Variants in STARD10 observed in about 807,000 individuals in gnomAD.
The protein encoded by STARD10 is START domain-containing protein 10.
STARD10 carries 24 observed loss-of-function variants against 36.0 expected under a neutral mutation model. That is an observed-to-expected ratio of 0.67 (90% CI 0.48 to 0.94). STARD10 has a LOEUF of 0.94. Among genes scored for constraint, STARD10 ranks in the 40% least tolerant of loss-of-function variants. The pLI is 0.00. For missense variants in STARD10, 335 were observed against 396.6 expected, an observed-to-expected ratio of 0.84 and a Z score of 1.32; for synonymous variants, 156 against 161.9, an observed-to-expected ratio of 0.96 and a Z score of 0.28.
chr11:72,784,559 T>G (rs1768404017), intron 1 of STARD10, among the ~76,000 whole-genome samples: 2 of 152,132 alleles, frequency 1.3e-5, no homozygotes, highest in Non-Finnish European at 2.9e-5. Context: ...CAAAAAGTGT[T>G]AAGGTAACAT....
chr11:72,776,615 C>T (rs538355490), intron 2 of STARD10, among the ~76,000 whole-genome samples: 110 of 152,226 alleles, frequency 7.2e-4, no homozygotes, highest in African/African-American at 2.3e-3. Flanking sequence ...CAGCCATGTC[C>T]GGCTGTTTGG....
At position 72,759,381 on chromosome 11, in the gene STARD10, A is replaced by G; in HGVS notation, c.208T>C (p.Cys70Arg). 6.2e-7 allele frequency: 1 copy of G among 1,613,700 alleles called. No individual in the cohort carries two copies. Among genetic ancestry groups the G allele is most frequent in the East Asian group, 2.2e-5 (1 of 44,840 alleles). The part of the protein sequence containing the change: ...EMDRTLHKIK[C>R]RMECCDVPAE... ...GGCACATCACAGCACTCCATCCGGC[A>G]CTGCAGACAAGATATATGGGTTGTC... The change falls in exon 3 of 7, where the codon TGC (cysteine) becomes CGC (arginine). Residue 70 changes from cysteine (C) to arginine (R), a missense_variant and splice_region_variant. Coordinates refer to ENST00000334805, the MANE Select transcript of STARD10 (RefSeq NM_006645.3).
chr11:72,759,789 T>C (rs564011564), intron 2 of STARD10, among the ~76,000 whole-genome samples: 4 of 152,240 alleles, frequency 2.6e-5, no homozygotes, highest in Non-Finnish European at 4.4e-5. Flanking sequence ...AAAGCATAAA[T>C]GAAAGTCGAA....
At chr11:72,780,395 T>C in intron 2 of STARD10, 1 of 449,204 alleles carries the variant, frequency 2.2e-6, no homozygotes, top group South Asian at 1.6e-5. Flanking sequence ...AAGGCAGGGG[T>C]ATTGGAGCCC....
At chr11:72,765,134 C>A (rs1170183571) in intron 2 of STARD10, among the ~76,000 whole-genome samples, 4 of 152,112 alleles carry the variant, frequency 2.6e-5, no homozygotes, top group African/African-American at 9.7e-5. Context: ...GGGGTGGTGG[C>A]ACATGCCTGT....
intron 2 of STARD10, among the ~76,000 whole-genome samples, chr11:72,761,775 T>C (rs1427061125): frequency 1.3e-5 from 2 of 150,866 alleles, no homozygotes; most frequent in Admixed American, 1.3e-4. Flanking sequence ...CAGCATAACC[T>C]CAATTGGGGG....
At chr11:72,780,020 G>A (rs1339112634) in intron 2 of STARD10, 1 of 300,058 alleles carries the variant, frequency 3.3e-6, no homozygotes, top group East Asian at 8.9e-5. Flanking sequence ...GATAGCAGAA[G>A]GGAGAAGGCA....
intron 3 of STARD10, 150 bp downstream of exon 3, chr11:72,759,084 A>G: frequency 2.3e-6 from 2 of 856,912 alleles, no homozygotes; most frequent in South Asian, 3.3e-5. Context: ...CTAGGAGTGG[A>G]CAGGGAGGGC....
intron 2 of STARD10, among the ~76,000 whole-genome samples, chr11:72,773,654 C>T (rs1858893443): frequency 1.3e-5 from 2 of 152,182 alleles, no homozygotes; most frequent in African/African-American, 4.8e-5. Context: ...CAGCACCTGC[C>T]CCTGAGGAGC....
At chr11:72,791,106 C>A (rs112899966) in intron 1 of STARD10, among the ~76,000 whole-genome samples, 2 of 152,220 alleles carry the variant, frequency 1.3e-5, no homozygotes, top group Non-Finnish European at 2.9e-5. Context: ...GGTCTTAACT[C>A]ATTTAATTTA....
At chr11:72,761,119 C>T (rs545873240) in intron 2 of STARD10, among the ~76,000 whole-genome samples, 32 of 152,290 alleles carry the variant, frequency 2.1e-4, no homozygotes, top group African/African-American at 7.5e-4. Flanking sequence ...AAACCCATCA[C>T]GCCTTGGATA....
At position 72,754,913 on chromosome 11, in the gene STARD10, TCGTCGTCGCTGC is replaced by T; in HGVS notation, c.848_859del (p.Gly283_Asp286del). 6.3e-7 allele frequency: 1 copy of T among 1,599,724 alleles called. No homozygotes were observed. Among genetic ancestry groups the T allele is most frequent in the South Asian group, 1.1e-5 (1 of 90,692 alleles). ...GTGCGGCGCTCAGGTGAGCGAGGTG[TCGTCGTCGCTGC>T]CCTCGCCGCCCGCGCCGCCCATCCG... On this transcript the variant is annotated inframe_deletion, in exon 7 of 7. Transcript: ENST00000334805.
chr11:72,763,941 C>T (rs1365981808), intron 2 of STARD10, among the ~76,000 whole-genome samples: 3 of 152,148 alleles, frequency 2.0e-5, no homozygotes, highest in African/African-American at 7.2e-5. Context: ...TTGCCCAGAT[C>T]ATAGGGCCTG....
chr11:72,770,516 C>G (rs1412588779), intron 2 of STARD10, among the ~76,000 whole-genome samples: 1 of 152,214 alleles, frequency 6.6e-6, no homozygotes, highest in African/African-American at 2.4e-5. Flanking sequence ...CCACACCCAG[C>G]CTTACTTTTT....
Position 72,754,815 on chromosome 11 carries a change from T to G in STARD10, c.*82A>C. The G allele has an allele frequency of 6.5e-7, 1 of 1,531,126 alleles. No individual in the cohort carries two copies. Among genetic ancestry groups the G allele is most frequent in the African/African-American group, 1.4e-5 (1 of 72,550 alleles). The allele number at this position is 1,531,126 out of a possible 1,614,324, so 94.8% of individuals were successfully genotyped here. A position where few individuals can be genotyped will look rare whatever the true frequency, so the allele number is the denominator to read the frequency against. ...TGGCCCGGTGCCACCAGGTGCCGGG[T>G]GGGGGAGGGGAGAAAGTGCAGGAGC... On this transcript the variant is annotated 3_prime_UTR_variant, in exon 7 of 7. Transcript: ENST00000334805.
chr11:72,771,675 A>G (rs1308666276), intron 2 of STARD10, among the ~76,000 whole-genome samples: 3 of 151,814 alleles, frequency 2.0e-5, no homozygotes, highest in African/African-American at 7.3e-5. Context: ...CCTGGTCCCC[A>G]GCAGCCTCCC....
rs777650574 is a variant in STARD10, at chr11:72,754,930, G to A, written c.843C>T (p.Gly281=). The change falls in exon 7 of 7, where the codon GGC becomes GGT. Residue 281 remains glycine (G), a synonymous_variant. Transcript: ENST00000334805. The part of the protein sequence containing the change: ...SREERMGGAG[G]EGSDDDTSLT The stretch of plus-strand genomic sequence containing the variant: ...GCGAGGTGTCGTCGTCGCTGCCCTC[G>A]CCGCCCGCGCCGCCCATCCGCTCCT... The A allele has an allele frequency of 9.4e-6, 15 of 1,599,122 alleles. No homozygotes were observed. The highest frequency in any genetic ancestry group is 7.8e-5 in the South Asian group (7 of 90,062).
Position 72,781,208 on chromosome 11 carries a change from T to C in STARD10, c.-27A>G. The C allele has an allele frequency of 6.3e-7, 1 of 1,596,112 alleles. No individual in the cohort carries two copies. Among genetic ancestry groups the C allele is most frequent in the Non-Finnish European group, 8.5e-7 (1 of 1,173,604 alleles). ...GGGAGTGTGGGGAGGCCCAGGGCCCTGGTCCTAGTCCGGCTCTCCTGGGTC... is the reference window on the plus strand; with the variant it reads ...GGGAGTGTGGGGAGGCCCAGGGCCCCGGTCCTAGTCCGGCTCTCCTGGGTC... On this transcript the variant is annotated 5_prime_UTR_variant, in exon 2 of 7. Transcript: ENST00000334805. The surrounding 1 kb of genome is among the most constrained non-coding windows in gnomAD (Gnocchi z 4.7).
chr11:72,778,188 G>A (rs907043165), intron 2 of STARD10, among the ~76,000 whole-genome samples: 1 of 152,230 alleles, frequency 6.6e-6, no homozygotes, highest in Non-Finnish European at 1.5e-5. Flanking sequence ...TGACTAAGAT[G>A]CGAGCCCATG....
Sources: gnomAD v4.1 joint callset for allele counts (sites outside exome capture counted in the v4.1 genomes callset) on GRCh38, gnomAD v4.1.1 for gene constraint, Gnocchi (gnomAD v3.1) non-coding constraint, MANE v1.5 for transcripts, NCBI Gene and HGNC (gene_info 2026-07-23, HGNC 2026-07-21) for gene names.